The following AIDA variants were observed in gnomAD, a reference collection of about 807,000 sequenced individuals.
The protein encoded by AIDA is axin interactor, dorsalization-associated protein.
In AIDA, 18 loss-of-function variants were observed where a neutral mutation model predicts 42.7. The observed-to-expected ratio is 0.42, with a 90% confidence interval of 0.29 to 0.63. AIDA has a LOEUF of 0.63. AIDA is among the 20% of genes least tolerant of loss of function. AIDA has a pLI of 0.19. For missense variants in AIDA, 250 were observed against 354.1 expected (o/e 0.71, Z 2.36); for synonymous variants, 104 against 122.9 (o/e 0.85, Z 1.02).
At chr1:222,686,787 G>T in intron 6 of AIDA, 143 bp downstream of exon 6, 1 of 931,302 alleles carries the variant, frequency 1.1e-6, no homozygotes, top group Non-Finnish European at 1.6e-6. Context: ...TTATGAAATA[G>T]CTACTGCCAA....
At chr1:222,689,263 C>T (rs1655279869) in intron 4 of AIDA, among the ~76,000 whole-genome samples, 1 of 150,944 alleles carries the variant, frequency 6.6e-6, no homozygotes, top group Non-Finnish European at 1.5e-5. Context: ...CACAGTGAAA[C>T]CCCATCTCTA....
At chr1:222,684,639 T>C (rs1664710351) in intron 6 of AIDA, among the ~76,000 whole-genome samples, 1 of 152,196 alleles carries the variant, frequency 6.6e-6, no homozygotes, top group East Asian at 1.9e-4. Flanking sequence ...TACATACTCT[T>C]TCTTTTAGGG....
At chr1:222,694,100 A>G in intron 3 of AIDA, 110 bp downstream of exon 3, 1 of 1,047,188 alleles carries the variant, frequency 9.5e-7, no homozygotes, top group Non-Finnish European at 1.4e-6. Flanking sequence ...AGATGTTGTT[A>G]TAAAACACTT....
chr1:222,694,342 A>C, intron 2 of AIDA, 79 bp from the exon 3 acceptor site: 3 of 1,187,312 alleles, frequency 2.5e-6, no homozygotes, highest in Non-Finnish European at 3.7e-6. Context: ...ATTTTTATTA[A>C]TAAAAGATCC....
At chr1:222,670,034 C>T (rs762606519) in intron 9 of AIDA, 45 bp from the exon 10 acceptor site, 4 of 1,612,462 alleles carry the variant, frequency 2.5e-6, no homozygotes, top group Non-Finnish European at 3.4e-6. Flanking sequence ...ACATTGATAA[C>T]TGAACTCTTC....
chr1:222,670,853 A>G lies in AIDA; in HGVS notation c.707-603T>C, dbSNP rs368298975. ...TGTTTGTGTCAAGACAGTGCTGTAG[A>G]AGACAAAGGTTCAAAGAGCAAATCT... On this transcript the variant is annotated intron_variant, in intron 8 of 9. Transcript: ENST00000340020. 1.2e-4 allele frequency among the ~76,000 whole-genome samples: 18 copies of G among 152,336 alleles called. No individual in the cohort carries two copies. The South Asian group carries it at 3.7e-3, about 32-fold the overall frequency.
Position 222,670,242 on chromosome 1 carries a change from T to G in AIDA, c.715A>C (p.Ile239Leu). ...HVEKLTKGAAIFFEFKHYKPK... is the reference protein window; with the variant it reads ...HVEKLTKGAALFFEFKHYKPK... Reference sequence around the variant, plus strand: ...TTGTAGTGTTTGAATTCAAAGAAGATAGCTGCACCTAAGGAATTAAAACAA... The same window carrying G: ...TTGTAGTGTTTGAATTCAAAGAAGAGAGCTGCACCTAAGGAATTAAAACAA... The change falls in exon 9 of 10, where the codon ATC becomes CTC. Residue 239 changes from isoleucine to leucine, a missense_variant. Ile to Leu is a conservative substitution (Grantham distance 5). Transcript: ENST00000340020. The G allele has an allele frequency of 6.2e-7, 1 of 1,613,168 alleles. No individual in the cohort carries two copies. The highest frequency in any genetic ancestry group is 8.5e-7 in the Non-Finnish European group (1 of 1,179,406).
chr1:222,709,767 G>A (rs1412716300), intron 1 of AIDA, among the ~76,000 whole-genome samples: 3 of 152,166 alleles, frequency 2.0e-5, no homozygotes, highest in Non-Finnish European at 4.4e-5. Context: ...TCATACTTCC[G>A]TAATTGCAAC....
intron 1 of AIDA, among the ~76,000 whole-genome samples, chr1:222,708,529 G>A (rs367979857): frequency 4.6e-5 from 7 of 151,706 alleles, no homozygotes; most frequent in East Asian, 4.0e-4. Flanking sequence ...CACCACGCCC[G>A]GCTAATGTTT....
At chr1:222,710,665 C>T (rs1655978005) in intron 1 of AIDA, among the ~76,000 whole-genome samples, 1 of 152,162 alleles carries the variant, frequency 6.6e-6, no homozygotes, top group Non-Finnish European at 1.5e-5. Context: ...AATTCACTTA[C>T]AGAATTACTC....
chr1:222,673,248 G>A, intron 8 of AIDA, 65 bp downstream of exon 8: 1 of 1,479,372 alleles, frequency 6.8e-7, no homozygotes, highest in African/African-American at 1.4e-5. Context: ...TCCACCATAT[G>A]TACAAACACA....
chr1:222,677,292 C>A (rs896290044), intron 6 of AIDA, among the ~76,000 whole-genome samples: 2 of 152,162 alleles, frequency 1.3e-5, no homozygotes, highest in African/African-American at 4.8e-5. Context: ...GAACCCTACT[C>A]TCTTATTAAT....
At chr1:222,672,249 A>G (rs186121719) in intron 8 of AIDA, among the ~76,000 whole-genome samples, 1 of 152,306 alleles carries the variant, frequency 6.6e-6, no homozygotes, top group African/African-American at 2.4e-5. Flanking sequence ...GTGTAATAAA[A>G]TAGAAAAGTT....
At chr1:222,695,243 G>A (rs1221633212) in intron 2 of AIDA, among the ~76,000 whole-genome samples, 2 of 152,210 alleles carry the variant, frequency 1.3e-5, no homozygotes, top group Non-Finnish European at 2.9e-5. Context: ...TGTAATCCCA[G>A]CACTTTGGGA....
chr1:222,695,229 C>T (rs1046545412), intron 2 of AIDA, among the ~76,000 whole-genome samples: 4 of 152,144 alleles, frequency 2.6e-5, no homozygotes, highest in Non-Finnish European at 4.4e-5. Context: ...TGGTAGCTCA[C>T]GCCTGTAATC....
chr1:222,699,870 C>T (rs1260793221), intron 2 of AIDA, among the ~76,000 whole-genome samples: 2 of 151,836 alleles, frequency 1.3e-5, no homozygotes, highest in East Asian at 3.9e-4. Context: ...CTCCCGGGTT[C>T]ATGCCATTCT....
intron 1 of AIDA, among the ~76,000 whole-genome samples, chr1:222,706,095 T>C (rs1478432429): frequency 3.3e-5 from 5 of 152,102 alleles, no homozygotes; most frequent in Non-Finnish European, 7.4e-5. Flanking sequence ...TATTAGTCAC[T>C]AAAGAAATGC....
chr1:222,692,308 A>G (rs1655394803), intron 4 of AIDA, among the ~76,000 whole-genome samples: 1 of 152,130 alleles, frequency 6.6e-6, no homozygotes, highest in African/African-American at 2.4e-5. Flanking sequence ...AGGACCTCTG[A>G]ATGGCAGACG....
At chr1:222,677,378 T>C (rs185769622) in intron 6 of AIDA, among the ~76,000 whole-genome samples, 7 of 152,270 alleles carry the variant, frequency 4.6e-5, no homozygotes, top group Admixed American at 2.0e-4. Context: ...AGGGACAGGT[T>C]TCCCCCCCTC....
Sources: allele counts gnomAD v4.1 joint callset (sites outside exome capture counted in the v4.1 genomes callset), GRCh38; gene constraint gnomAD v4.1.1; transcripts MANE v1.5; gene names NCBI Gene and HGNC (gene_info 2026-07-23, HGNC 2026-07-21).